NBDY: variants seen among roughly 807,000 people sequenced by gnomAD.
NBDY encodes the protein P-body dissociating protein.
At chrX:56,751,398 A>G (rs927022188) in intron 2 of NBDY, among the ~76,000 whole-genome samples, 7 of 112,135 alleles carry the variant, frequency 6.2e-5, no homozygotes, top group Admixed American at 4.7e-4. Flanking sequence ...TCAAACAATA[A>G]CTTGGTGAAT....
At chrX:56,782,167 C>A (rs2069695836) in intron 2 of NBDY, among the ~76,000 whole-genome samples, 1 of 111,426 alleles carries the variant, frequency 9.0e-6, no homozygotes, top group Non-Finnish European at 1.9e-5. Flanking sequence ...TAACTAGATC[C>A]TTCAGGACAG....
At chrX:56,806,571 T>G (rs2069851614) in intron 2 of NBDY, among the ~76,000 whole-genome samples, 1 of 112,597 alleles carries the variant, frequency 8.9e-6, no homozygotes. Flanking sequence ...TAAAGCCCAG[T>G]GATGATGAGC....
At chrX:56,739,106 T>A (rs2069513595) in intron 2 of NBDY, among the ~76,000 whole-genome samples, 1 of 105,277 alleles carries the variant, frequency 9.5e-6, no homozygotes, top group Non-Finnish European at 1.9e-5. Context: ...AGTATATTTT[T>A]AGTTTCTATG....
At chrX:56,749,742 C>T (rs2146717853) in intron 2 of NBDY, among the ~76,000 whole-genome samples, 1 of 109,372 alleles carries the variant, frequency 9.1e-6, no homozygotes, top group Non-Finnish European at 1.9e-5. Flanking sequence ...GCCTCGACCT[C>T]CCGGGTTCAA....
intron 2 of NBDY, among the ~76,000 whole-genome samples, chrX:56,790,912 G>A (rs1342511334): frequency 2.7e-5 from 3 of 112,279 alleles, no homozygotes; most frequent in Non-Finnish European, 5.6e-5. Flanking sequence ...ATGGGGTTGG[G>A]GTGGGCGCAG....
At chrX:56,758,839 C>T (rs1344558284) in intron 2 of NBDY, among the ~76,000 whole-genome samples, 1 of 111,532 alleles carries the variant, frequency 9.0e-6, no homozygotes, top group Non-Finnish European at 1.9e-5. Flanking sequence ...TTGCCAGATA[C>T]TCAGCTCAGA....
chrX:56,786,642 C>T (rs113669258), intron 2 of NBDY, among the ~76,000 whole-genome samples: 3 of 94,874 alleles, frequency 3.2e-5, no homozygotes, highest in Non-Finnish European at 6.8e-5. Flanking sequence ...TCTGCTTCTT[C>T]TTTTTCTTCT....
chrX:56,815,285 C>T (rs2146745307), intron 2 of NBDY, among the ~76,000 whole-genome samples: 1 of 111,564 alleles, frequency 9.0e-6, no homozygotes, highest in South Asian at 3.7e-4. Context: ...TACGCAATGA[C>T]CCTTTATAGA....
intron 2 of NBDY, among the ~76,000 whole-genome samples, chrX:56,767,423 C>A (rs1480732413): frequency 8.8e-6 from 1 of 113,507 alleles, no homozygotes; most frequent in Non-Finnish European, 1.9e-5. Flanking sequence ...CGCCGCTACA[C>A]TGTGGGAGCC....
At chrX:56,783,692 T>G (rs1185792017) in intron 2 of NBDY, among the ~76,000 whole-genome samples, 1 of 112,719 alleles carries the variant, frequency 8.9e-6, no homozygotes, top group African/African-American at 3.2e-5. Context: ...AGAAGGCAAG[T>G]GTCCCTGCAG....
At position 56,756,173 on chromosome X, in the gene NBDY, C is replaced by T. The variant is rs1421674626; in HGVS notation, c.*166+23974C>T. On this transcript the variant is annotated intron_variant, in intron 2 of 2. Coordinates refer to ENST00000374922, the MANE Select transcript of NBDY (RefSeq NM_001348129.2). ...GGGGGAGGGGGGAGGGATAGCATTA[C>T]GAAATATACCTAATGCTAAATGACG... 6.7e-5 allele frequency among the ~76,000 whole-genome samples: 7 copies of T among 103,755 alleles called. No homozygotes were observed. The East Asian group carries it at 1.9e-3, about 27-fold the overall frequency. The allele number at this position is 103,755 out of a possible 115,157, so 90.1% of individuals were successfully genotyped here.
At chrX:56,793,171 G>A in intron 2 of NBDY, among the ~76,000 whole-genome samples, 1 of 112,456 alleles carries the variant, frequency 8.9e-6, no homozygotes, top group Non-Finnish European at 1.9e-5. Context: ...GCAGCTCCAG[G>A]CTTTGGAGGA....
At chrX:56,744,780 TG>T (rs1481454425) in intron 2 of NBDY, among the ~76,000 whole-genome samples, 1 of 111,637 alleles carries the variant, frequency 9.0e-6, no homozygotes, top group African/African-American at 3.2e-5. Flanking sequence ...ATATAAACTA[TG>T]TTTTTTTCCT....
At chrX:56,754,586 A>C (rs1012646817) in intron 2 of NBDY, among the ~76,000 whole-genome samples, 4 of 112,364 alleles carry the variant, frequency 3.6e-5, no homozygotes, top group African/African-American at 1.3e-4. Flanking sequence ...AAAATCATAT[A>C]ACATTTTTAA....
At chrX:56,784,658 G>A (rs1160231117) in intron 2 of NBDY, among the ~76,000 whole-genome samples, 3 of 111,562 alleles carry the variant, frequency 2.7e-5, no homozygotes, top group Non-Finnish European at 5.7e-5. Flanking sequence ...CCTGGAATGT[G>A]TTGGGTGGGA....
chrX:56,807,650 T>A (rs1397740199), intron 2 of NBDY, among the ~76,000 whole-genome samples: 1 of 112,105 alleles, frequency 8.9e-6, no homozygotes. Context: ...GCTTGTGATG[T>A]TTGGACATTG....
At chrX:56,745,117 G>C (rs2069550234) in intron 2 of NBDY, among the ~76,000 whole-genome samples, 1 of 111,501 alleles carries the variant, frequency 9.0e-6, no homozygotes, top group Admixed American at 9.6e-5. Flanking sequence ...TACTGCAACA[G>C]TTTATTGGAT....
chrX:56,795,805 C>G (rs182709593), intron 2 of NBDY, among the ~76,000 whole-genome samples: 1 of 112,759 alleles, frequency 8.9e-6, no homozygotes, highest in East Asian at 2.8e-4. Context: ...GGGCGCACCT[C>G]TGGCCCTGCC....
intron 2 of NBDY, among the ~76,000 whole-genome samples, chrX:56,811,712 C>T (rs979378838): frequency 8.9e-6 from 1 of 111,957 alleles, no homozygotes; most frequent in Non-Finnish European, 1.9e-5. Context: ...TGGGACCCGC[C>T]GAGCCAGACC....
Sources: gnomAD v4.1 joint callset for allele counts (sites outside exome capture counted in the v4.1 genomes callset) on GRCh38, gnomAD v4.1.1 for gene constraint, MANE v1.5 for transcripts, NCBI Gene and HGNC (gene_info 2026-07-23, HGNC 2026-07-21) for gene names.